The following DOCK10 variants were observed in gnomAD, a reference collection of about 807,000 sequenced individuals.
DOCK10 encodes the protein dedicator of cytokinesis 10.
A neutral mutation model predicts 280.1 loss-of-function variants in DOCK10; 145 were observed. The ratio of observed to expected loss-of-function variants is 0.52; its 90% CI spans 0.45 to 0.59. DOCK10 has a LOEUF of 0.59. Among genes scored for constraint, DOCK10 ranks in the 20% least tolerant of loss-of-function variants. The pLI, the probability that DOCK10 is intolerant of heterozygous loss-of-function variation, is 0.00. For synonymous variants in DOCK10, 915 were observed against 942.2 expected (o/e 0.97, Z 0.53); for missense variants, 2,368 against 2,651.7 (o/e 0.89, Z 2.35).
intron 4 of DOCK10, chr2:224,893,193 G>A (rs1699799463): frequency 6.6e-6 from 1 of 152,108 alleles, no homozygotes; most frequent in Admixed American, 6.6e-5. Flanking sequence ...CTCAGTTTCC[G>A]AGTTTCTGCT....
In DOCK10 at chr2:224,807,766, C is replaced by T. The variant is rs776077730; in HGVS notation, c.3604G>A (p.Ala1202Thr). 2.5e-6 allele frequency: 4 copies of T among 1,569,034 alleles called. No individual in the cohort carries two copies. The highest frequency in any genetic ancestry group is 3.8e-5 in the Admixed American group (2 of 52,882). ...CCGTACAGGGGCATGTATAAACTTG[C>T]TATCTGGGCCTGCTTTCTCTAGGAG... ...YREPRKQAQI[A>T]SLYMPLYGML... Residue 1202 changes from alanine (A) to threonine (T), a missense_variant, in exon 33 of 56, where the codon GCA (alanine) becomes ACA (threonine). By Grantham distance (58) the Ala-to-Thr change is moderately conservative. Around this residue, in one of 2 missense-constraint regions of DOCK10, gnomAD observed 1,159 missense variants for 1,400.8 expected, o/e 0.83. Transcript: ENST00000258390.
rs377248216 is a variant in DOCK10 at position 225,018,222 on chromosome 2, C to G, written c.123+24030G>C. ...TGTCTGTAGTCTCCTGTATTCTACT[C>G]TGTGTATTGTACCAACTATGGGACT... On this transcript the variant is annotated intron_variant, in intron 1 of 55. Transcript: ENST00000258390. 5.9e-5 allele frequency among the ~76,000 whole-genome samples: 9 copies of G among 152,162 alleles called. No individual in the cohort carries two copies. The East Asian group carries it at 1.5e-3, about 26-fold the overall frequency.
chr2:224,852,898 A>G (rs1451394328), intron 17 of DOCK10, 37 bp downstream of exon 17: 2 of 1,498,788 alleles, frequency 1.3e-6, no homozygotes, highest in Non-Finnish European at 1.8e-6. Context: ...AAATACGGTG[A>G]AAAGAAAAGA....
intron 1 of DOCK10, among the ~76,000 whole-genome samples, chr2:225,035,387 A>C (rs1690192435): frequency 6.6e-6 from 1 of 151,424 alleles, no homozygotes; most frequent in East Asian, 1.9e-4. Flanking sequence ...AAGAGGTATC[A>C]CTTTTTCTAG....
intron 1 of DOCK10, among the ~76,000 whole-genome samples, chr2:224,957,293 C>A (rs982738144): frequency 6.9e-6 from 1 of 144,524 alleles, no homozygotes; most frequent in African/African-American, 2.8e-5. Flanking sequence ...CCGCCCCCCC[C>A]CGGCTTTGTT....
At chr2:224,958,401 T>C (rs1033477701) in intron 1 of DOCK10, among the ~76,000 whole-genome samples, 2 of 152,140 alleles carry the variant, frequency 1.3e-5, no homozygotes, top group African/African-American at 4.8e-5. Flanking sequence ...AATAGGATGC[T>C]TCAGAAAGGA....
chr2:224,808,187 C>T (rs1164421567), intron 31 of DOCK10, 101 bp from the exon 32 acceptor site: 2 of 1,065,798 alleles, frequency 1.9e-6, no homozygotes, highest in Non-Finnish European at 2.7e-6. Context: ...TCTTCCACCA[C>T]TAGGAGGGAT....
At chr2:224,934,369 T>C (rs898788838) in intron 1 of DOCK10, among the ~76,000 whole-genome samples, 1 of 152,194 alleles carries the variant, frequency 6.6e-6, no homozygotes, top group African/African-American at 2.4e-5. Context: ...GAGGAATAGA[T>C]TGGTGAAATT....
intron 16 of DOCK10, 56 bp downstream of exon 16, chr2:224,854,907 C>A: frequency 2.2e-6 from 3 of 1,372,292 alleles, no homozygotes; most frequent in South Asian, 1.3e-5. Context: ...AAAACAAACC[C>A]ACTAAATATT....
Position 224,970,353 on chromosome 2 carries a change from C to A in DOCK10, c.124-38685G>T, listed in dbSNP as rs914119945. ...ATCACCAACAGCTTTGTGAGGAATC[C>A]CCACCATGCTGCAAATAAGGACACT... is the stretch of plus-strand genomic sequence containing the variant. On this transcript the variant is annotated intron_variant, in intron 1 of 55. Transcript: ENST00000258390. The surrounding 1 kb of genome is among the most constrained non-coding windows in gnomAD (Gnocchi z 4.6). Among the ~76,000 whole-genome samples the A allele has an allele frequency of 2.6e-5, 4 of 152,112 alleles. No individual in the cohort carries two copies. Among genetic ancestry groups the A allele is most frequent in the African/African-American group, 4.8e-5 (2 of 41,412 alleles).
At chr2:224,907,915 G>A (rs1368803157) in intron 3 of DOCK10, among the ~76,000 whole-genome samples, 1 of 152,178 alleles carries the variant, frequency 6.6e-6, no homozygotes, top group Non-Finnish European at 1.5e-5. Flanking sequence ...TCTCAAAGGT[G>A]TTTCTTAAAG....
At chr2:224,851,721 A>G (rs1696757178) in intron 18 of DOCK10, among the ~76,000 whole-genome samples, 1 of 152,058 alleles carries the variant, frequency 6.6e-6, no homozygotes, top group Non-Finnish European at 1.5e-5. Flanking sequence ...TTTCCCCCTC[A>G]TTTTTTATGG....
chr2:224,836,070 A>G (rs1018953595), intron 25 of DOCK10, among the ~76,000 whole-genome samples: 1 of 152,218 alleles, frequency 6.6e-6, no homozygotes, highest in African/African-American at 2.4e-5. Context: ...AGGGTTCTTA[A>G]TGTAATTTTC....
At position 224,852,388 on chromosome 2, in the gene DOCK10, T is replaced by C. The variant is rs1268565057; in HGVS notation, c.2131A>G (p.Lys711Glu). ...CTGACTTGGCTCACCTTCAGGGGCT[T>C]GGCACTTTCTTCATCTGAATTTTTG... The part of the protein sequence containing the change: ...EFKNSDEESA[K>E]PLKCIYGKPG... Residue 711 changes from lysine (K) to glutamate (E), a missense_variant, in exon 18 of 56, where the codon AAG becomes GAG. Around this residue, in one of 2 missense-constraint regions of DOCK10, gnomAD observed 1,209 missense variants for 1,250.9 expected, o/e 0.97. Transcript: ENST00000258390. The C allele has an allele frequency of 6.4e-7, 1 of 1,572,578 alleles. No homozygotes were observed. The highest frequency in any genetic ancestry group is 2.3e-5 in the East Asian group (1 of 43,112).
intron 32 of DOCK10, 62 bp downstream of exon 32, chr2:224,807,849 T>C: frequency 1.3e-6 from 2 of 1,578,834 alleles, no homozygotes; most frequent in South Asian, 1.1e-5. Context: ...CGGTTTCATA[T>C]GCATTTAATG....
chr2:224,926,529 C>T (rs1702054207), intron 2 of DOCK10, among the ~76,000 whole-genome samples: 1 of 152,062 alleles, frequency 6.6e-6, no homozygotes, highest in East Asian at 1.9e-4. Flanking sequence ...GAGACTCCAT[C>T]TCTTTAAAAA....
At chr2:224,791,958 C>T (rs59784022) in intron 47 of DOCK10, among the ~76,000 whole-genome samples, 2,422 of 152,266 alleles carry the variant, frequency 0.016, 65 homozygotes, top group African/African-American at 0.054. Flanking sequence ...TGTTTGTACA[C>T]GGAGTTTTCC....
At chr2:224,951,574 G>C (rs184796382) in intron 1 of DOCK10, among the ~76,000 whole-genome samples, 10 of 152,274 alleles carry the variant, frequency 6.6e-5, no homozygotes, top group Non-Finnish European at 1.2e-4. Context: ...AGAAACCTAA[G>C]AAAAAGTTCT....
chr2:224,899,312 C>A (rs371288879), intron 3 of DOCK10, among the ~76,000 whole-genome samples: 19 of 152,104 alleles, frequency 1.2e-4, no homozygotes, highest in East Asian at 9.6e-4. Context: ...AATTCCCTAG[C>A]CCAGTCTCCT....
Sources: allele counts gnomAD v4.1 joint callset (sites outside exome capture counted in the v4.1 genomes callset), GRCh38; gene constraint gnomAD v4.1.1; regional missense constraint gnomAD v4.1.1; non-coding constraint Gnocchi (gnomAD v3.1); transcripts MANE v1.5; gene names NCBI Gene and HGNC (gene_info 2026-07-23, HGNC 2026-07-21).